PUS7L: variants seen among roughly 807,000 people sequenced by gnomAD.
The protein encoded by PUS7L is pseudouridine synthase 7 like.
Under a neutral mutation model 51.1 loss-of-function variants are expected in PUS7L, and 49 were observed. The observed-to-expected ratio is 0.96, with a 90% confidence interval of 0.76 to 1.22. The LOEUF (loss-of-function observed/expected upper bound fraction) is 1.22, where lower values mean the gene tolerates loss of function less well. PUS7L is among the 50% of genes most tolerant of loss of function. The pLI is 0.00. For synonymous variants in PUS7L, 277 were observed against 276.2 expected (o/e 1.00, Z -0.03); for missense variants, 828 against 820.6 (o/e 1.01, Z -0.11).
At chr12:43,743,612 A>T (rs1938011858) in intron 4 of PUS7L, among the ~76,000 whole-genome samples, 1 of 152,014 alleles carries the variant, frequency 6.6e-6, no homozygotes, top group Non-Finnish European at 1.5e-5. Context: ...AAATACAAAA[A>T]ATTAGCTGGG....
intron 5 of PUS7L, among the ~76,000 whole-genome samples, chr12:43,740,646 GC>G (rs1236360990): frequency 1.3e-5 from 2 of 152,002 alleles, no homozygotes; most frequent in Non-Finnish European, 2.9e-5. Flanking sequence ...CTCTAAGATG[GC>G]CCCCAATGCT....
At chr12:43,743,017 C>T (rs1047655298) in intron 4 of PUS7L, among the ~76,000 whole-genome samples, 6 of 152,164 alleles carry the variant, frequency 3.9e-5, no homozygotes, top group African/African-American at 9.7e-5. Flanking sequence ...ACATAACGTT[C>T]GTTCTTTAGT....
intron 5 of PUS7L, among the ~76,000 whole-genome samples, chr12:43,740,388 G>A (rs548311446): frequency 6.6e-6 from 1 of 152,218 alleles, no homozygotes; most frequent in African/African-American, 2.4e-5. Context: ...GAGTAAAAGA[G>A]TCATGGTCTC....
At position 43,736,580 on chromosome 12, in the gene PUS7L, C is replaced by T; in HGVS notation, c.1526G>A (p.Gly509Asp). ...CTGGATACAACCTTCCTCGGTCATG[C>T]CAAAGCGGTGCAATGCCTCCAACAA... ...RALLEALHRF[G>D]MTEEGCIQAW... Residue 509 changes from glycine to aspartate, a missense_variant, in exon 7 of 9, where the codon GGC becomes GAC. Transcript: ENST00000344862. The T allele has an allele frequency of 6.2e-7, 1 of 1,614,052 alleles. No individual in the cohort carries two copies.
rs544755931 is a variant in PUS7L, at chr12:43,735,449, C to T, written c.1725+932G>A. On this transcript the variant is annotated intron_variant, in intron 7 of 8. Transcript: ENST00000344862. ...TATAACTTCACTAATATAAATGTCT[C>T]TAAGACATTGTTAAGAGGAAATTAT... Among the ~76,000 whole-genome samples, 9 of 151,958 alleles carry T rather than the reference C, an allele frequency of 5.9e-5. No individual in the cohort carries two copies. In the South Asian group the frequency reaches 1.9e-3, roughly 32 times the overall value.
chr12:43,740,797 T>C (rs2137698386), intron 5 of PUS7L: 1 of 152,184 alleles, frequency 6.6e-6, no homozygotes, highest in Admixed American at 6.5e-5. Flanking sequence ...ATCTGTTGTC[T>C]CTCTCTCTCT....
At chr12:43,751,196 TTATATA>T (rs199754116) in intron 2 of PUS7L, among the ~76,000 whole-genome samples, 2 of 149,968 alleles carry the variant, frequency 1.3e-5, no homozygotes, top group Non-Finnish European at 3.0e-5. Context: ...TATTTTTAAT[TTATATA>T]TATATATTAT....
rs1565621780 is a variant in PUS7L at position 43,721,236 on chromosome 12, C to G, written c.*9140G>C. 1.3e-5 allele frequency: 2 copies of G among 152,164 alleles called. No homozygotes were observed. The highest frequency in any genetic ancestry group is 6.5e-5 in the Admixed American group (1 of 15,274). 9.4% of individuals were successfully genotyped at this position (152,164 alleles called of 1,614,324 possible). ...AAACCAAAAAGGGCCAGGTTAGACT[C>G]TCTTTACAATCTAGAGGAAGCTACT... On this transcript the variant is annotated 3_prime_UTR_variant, in exon 9 of 9. Coordinates refer to ENST00000344862, the MANE Select transcript of PUS7L (RefSeq NM_031292.5).
rs1938588433 is a variant in PUS7L at position 43,754,345 on chromosome 12, T to C, written c.901A>G (p.Ile301Val). ...PLSECQEGKV[I>V]YTAFTLRKEN... ...TGATTTATTAAATTACCTGTATATA[T>C]AACTTTTCCTTCTTGGCATTCAGAA... The change falls in exon 2 of 9, where the codon ATA becomes GTA. Residue 301 changes from isoleucine (I) to valine (V), a missense_variant. By Grantham distance (29) the Ile-to-Val change is conservative. Coordinates refer to ENST00000344862, the MANE Select transcript of PUS7L (RefSeq NM_031292.5). 2.5e-6 allele frequency: 4 copies of C among 1,586,850 alleles called. No homozygotes were observed. Among genetic ancestry groups the C allele is most frequent in the Non-Finnish European group, 3.4e-6 (4 of 1,167,920 alleles).
intron 5 of PUS7L, among the ~76,000 whole-genome samples, chr12:43,740,494 G>T (rs150562628): frequency 6.6e-6 from 1 of 152,258 alleles, no homozygotes; most frequent in Admixed American, 6.5e-5. Context: ...GATGATTCAG[G>T]ATCACAAAAT....
chr12:43,745,954 C>G, intron 4 of PUS7L, 92 bp downstream of exon 4: 2 of 585,822 alleles, frequency 3.4e-6, no homozygotes, highest in South Asian at 4.9e-5. Flanking sequence ...TAAAAAGGTA[C>G]AAAAGAAAAA....
intron 7 of PUS7L, among the ~76,000 whole-genome samples, chr12:43,735,458 T>C (rs994126831): frequency 5.9e-5 from 9 of 151,976 alleles, no homozygotes; most frequent in African/African-American, 2.2e-4. Context: ...TCTAAGACAT[T>C]GTTAAGAGGA....
At chr12:43,743,640 G>A (rs925065472) in intron 4 of PUS7L, among the ~76,000 whole-genome samples, 7 of 152,060 alleles carry the variant, frequency 4.6e-5, no homozygotes, top group African/African-American at 1.7e-4. Context: ...GCGGGCACCT[G>A]TAGTCCCAGC....
intron 3 of PUS7L, among the ~76,000 whole-genome samples, chr12:43,747,828 G>A (rs112350998): frequency 0.12 from 18,098 of 152,108 alleles, 2,822 homozygotes; most frequent in African/African-American, 0.36. Flanking sequence ...TCGCTCTGTC[G>A]CCCAGGCTGG....
In PUS7L at chr12:43,730,343, G is replaced by C. The variant is rs1238440195; in HGVS notation, c.*33C>G. 1 of 1,530,662 alleles carries C rather than the reference G, an allele frequency of 6.5e-7. No homozygotes were observed. The highest frequency in any genetic ancestry group is 1.4e-5 in the African/African-American group (1 of 72,832). 94.8% of individuals were successfully genotyped at this position (1,530,662 alleles called of 1,614,324 possible). ...TTTAGCCCCCTTTCCTTCAAAGAGT[G>C]ACATATATATGGTTATACCAAGGGT... is the stretch of plus-strand genomic sequence containing the variant. On this transcript the variant is annotated 3_prime_UTR_variant, in exon 9 of 9. Coordinates refer to ENST00000344862, the MANE Select transcript of PUS7L (RefSeq NM_031292.5).
At chr12:43,732,095 T>C (rs1303594788) in intron 7 of PUS7L, among the ~76,000 whole-genome samples, 1 of 152,136 alleles carries the variant, frequency 6.6e-6, no homozygotes, top group Non-Finnish European at 1.5e-5. Flanking sequence ...TCTGCTTCTA[T>C]AATATCAACC....
At chr12:43,736,143 G>C (rs1944682966) in intron 7 of PUS7L, among the ~76,000 whole-genome samples, 1 of 152,038 alleles carries the variant, frequency 6.6e-6, no homozygotes, top group Admixed American at 6.5e-5. Context: ...GTTTTTTAAA[G>C]GAAGCTTTAC....
rs1293637660 is a variant in PUS7L at position 43,746,643 on chromosome 12, G to GA, written c.1071-406dup. Reference sequence around the variant, plus strand: ...GAGGATTTTCCTGAAATTCTGCTCTGACCACTTCCTTACTCAAACTTTCAA... The same window carrying GA: ...GAGGATTTTCCTGAAATTCTGCTCTGAACCACTTCCTTACTCAAACTTTCAA... On this transcript the variant is annotated intron_variant, in intron 3 of 8. Transcript: ENST00000344862. Among the ~76,000 whole-genome samples the GA allele has an allele frequency of 2.0e-5, 3 of 152,170 alleles. No individual in the cohort carries two copies. In the South Asian group the frequency reaches 6.2e-4, roughly 32 times the overall value.
At chr12:43,741,913 C>T (rs943659370) in intron 5 of PUS7L, among the ~76,000 whole-genome samples, 10 of 152,006 alleles carry the variant, frequency 6.6e-5, no homozygotes, top group African/African-American at 2.2e-4. Flanking sequence ...TAGTTTTCCT[C>T]CATTATGTGC....
Sources: gnomAD v4.1 joint callset for allele counts (sites outside exome capture counted in the v4.1 genomes callset) on GRCh38, gnomAD v4.1.1 for gene constraint, MANE v1.5 for transcripts, NCBI Gene and HGNC (gene_info 2026-07-23, HGNC 2026-07-21) for gene names.